RBX1: variants seen among roughly 807,000 people sequenced by gnomAD.
The protein encoded by RBX1 is ring-box 1.
For synonymous variants in RBX1, 48 were observed against 47.9 expected, an observed-to-expected ratio of 1.00 and a Z score of -0.01; for missense variants, 46 against 141.4, an observed-to-expected ratio of 0.33 and a Z score of 3.42.
At chr22:40,971,168 G>C (rs1246122076) in intron 4 of RBX1, among the ~76,000 whole-genome samples, 11 of 152,150 alleles carry the variant, frequency 7.2e-5, no homozygotes, top group Non-Finnish European at 1.6e-4. Context: ...TCTAAGAATT[G>C]CGGGGGTATG....
chr22:40,967,595 T>C (rs1447859573), intron 3 of RBX1: 1 of 494,522 alleles, frequency 2.0e-6, no homozygotes, highest in East Asian at 3.4e-5. Context: ...TTAGTAGTAA[T>C]GACATTTCTA....
At chr22:40,957,118 C>T (rs953611619) in intron 2 of RBX1, among the ~76,000 whole-genome samples, 56 of 151,860 alleles carry the variant, frequency 3.7e-4, no homozygotes, top group African/African-American at 1.2e-3. Context: ...GAGGCTGAGG[C>T]GGGGGGATCA....
chr22:40,964,715 A>G (rs2146301848), intron 3 of RBX1, among the ~76,000 whole-genome samples: 1 of 152,354 alleles, frequency 6.6e-6, no homozygotes, highest in South Asian at 2.1e-4. Flanking sequence ...GTAAAGTCCC[A>G]GTCACATGAG....
At chr22:40,964,915 G>A (rs2058349931) in intron 3 of RBX1, among the ~76,000 whole-genome samples, 1 of 152,178 alleles carries the variant, frequency 6.6e-6, no homozygotes, top group African/African-American at 2.4e-5. Flanking sequence ...GGGGCTGATA[G>A]TGGACCACAT....
At chr22:40,967,558 A>G in intron 3 of RBX1, 1 of 391,268 alleles carries the variant, frequency 2.6e-6, no homozygotes, top group Non-Finnish European at 4.7e-6. Context: ...GCTGGCACAT[A>G]CTCCTGTGCT....
chr22:40,951,675 T>G (rs914751071), intron 1 of RBX1, among the ~76,000 whole-genome samples, 199 bp downstream of exon 1: 2 of 152,026 alleles, frequency 1.3e-5, no homozygotes, highest in Admixed American at 6.6e-5. Flanking sequence ...AAGTGTTGGT[T>G]TCGCTGTGAG....
At chr22:40,964,422 C>A in intron 3 of RBX1, 1 of 262,358 alleles carries the variant, frequency 3.8e-6, no homozygotes, top group South Asian at 4.7e-5. Flanking sequence ...TTGGAATATT[C>A]TCGTGGTAGA....
At chr22:40,965,721 C>T (rs1336458359) in intron 3 of RBX1, among the ~76,000 whole-genome samples, 3 of 152,184 alleles carry the variant, frequency 2.0e-5, no homozygotes, top group Non-Finnish European at 4.4e-5. Context: ...GGATTACAGG[C>T]GTGAGCCACC....
chr22:40,962,414 A>G (rs2058343327), intron 2 of RBX1, among the ~76,000 whole-genome samples: 1 of 152,048 alleles, frequency 6.6e-6, no homozygotes, highest in African/African-American at 2.4e-5. Flanking sequence ...AGTGAAAAGA[A>G]AAAGGTATTA....
chr22:40,958,268 T>C (rs1343010918), intron 2 of RBX1, among the ~76,000 whole-genome samples: 3 of 151,872 alleles, frequency 2.0e-5, no homozygotes, highest in Non-Finnish European at 2.9e-5. Flanking sequence ...CCACACACTT[T>C]TATTATAGAC....
chr22:40,969,452 T>G (rs555045091), intron 4 of RBX1, among the ~76,000 whole-genome samples: 2 of 152,246 alleles, frequency 1.3e-5, no homozygotes, highest in African/African-American at 4.8e-5. Context: ...AAGAGGAATT[T>G]ATGGGTAAAG....
intron 2 of RBX1, among the ~76,000 whole-genome samples, chr22:40,960,141 C>T (rs915707558): frequency 1.3e-5 from 2 of 151,982 alleles, no homozygotes; most frequent in Non-Finnish European, 2.9e-5. Flanking sequence ...CTGTATTTGT[C>T]CCGTATTTCT....
chr22:40,960,287 A>T (rs1240535908), intron 2 of RBX1, among the ~76,000 whole-genome samples: 1 of 152,122 alleles, frequency 6.6e-6, no homozygotes, highest in Admixed American at 6.6e-5. Flanking sequence ...GTATGTAAAG[A>T]GATACTCATA....
chr22:40,956,262 T>C (rs966804620), intron 2 of RBX1, among the ~76,000 whole-genome samples: 2 of 152,160 alleles, frequency 1.3e-5, no homozygotes, highest in Non-Finnish European at 2.9e-5. Context: ...TGAAGTAGGA[T>C]ATTGAAATCC....
At chr22:40,972,153 C>T (rs1288919635) in intron 4 of RBX1, among the ~76,000 whole-genome samples, 4 of 152,194 alleles carry the variant, frequency 2.6e-5, no homozygotes, top group Non-Finnish European at 5.9e-5. Flanking sequence ...AGGCGGAGCT[C>T]CCTTTCACAA....
intron 2 of RBX1, among the ~76,000 whole-genome samples, chr22:40,963,497 T>C (rs2058346376): frequency 6.6e-6 from 1 of 151,882 alleles, no homozygotes; most frequent in Non-Finnish European, 1.5e-5. Flanking sequence ...TAGCCAGGCA[T>C]GGTGGTGTGC....
chr22:40,959,277 C>G (rs761062513), intron 2 of RBX1, among the ~76,000 whole-genome samples: 17 of 152,278 alleles, frequency 1.1e-4, no homozygotes, highest in Middle Eastern at 3.4e-3. Context: ...GACATGAACC[C>G]GTTATGTGCC....
chr22:40,969,139 C>T (rs1158149066), intron 4 of RBX1, among the ~76,000 whole-genome samples: 3 of 151,934 alleles, frequency 2.0e-5, no homozygotes, highest in African/African-American at 7.3e-5. Context: ...CATGGAGAAA[C>T]CCCGTCTCTA....
chr22:40,951,596 G>T lies in RBX1; in HGVS notation c.78+120G>T, dbSNP rs754548186. 1.1e-3 allele frequency: 1,054 copies of T among 942,630 alleles called. 2 individuals carry two copies. Among genetic ancestry groups the T allele is most frequent in the Non-Finnish European group, 1.5e-3 (972 of 637,148 alleles). 58.4% of individuals were successfully genotyped at this position (942,630 alleles called of 1,614,324 possible). On this transcript the variant is annotated intron_variant, in intron 1 of 4. Transcript: ENST00000216225. ...CATTTCAGGGCGTTCCTGGGACCGG[G>T]TACCACGAAAGGAAGCCGGGGGGCG...
Sources: allele counts gnomAD v4.1 joint callset (sites outside exome capture counted in the v4.1 genomes callset), GRCh38; gene constraint gnomAD v4.1.1; transcripts MANE v1.5; gene names NCBI Gene and HGNC (gene_info 2026-07-23, HGNC 2026-07-21).